The following NTRK2 variants were observed in gnomAD, a reference collection of about 807,000 sequenced individuals.
NTRK2 encodes the protein neurotrophic receptor tyrosine kinase 2.
Under a neutral mutation model 94.5 loss-of-function variants are expected in NTRK2, and 13 were observed. That is an observed-to-expected ratio of 0.14 (90% CI 0.09 to 0.22). The LOEUF (loss-of-function observed/expected upper bound fraction) is 0.22. Among genes scored for constraint, NTRK2 ranks in the 10% least tolerant of loss-of-function variants. The pLI is 1.00. For synonymous variants in NTRK2, 372 were observed against 407.4 expected, an observed-to-expected ratio of 0.91 and a Z score of 1.05; for missense variants, 639 against 1,071.2, an observed-to-expected ratio of 0.60 and a Z score of 5.63.
At chr9:84,774,080 C>T (rs1588505499) in intron 12 of NTRK2, among the ~76,000 whole-genome samples, 1 of 152,282 alleles carries the variant, frequency 6.6e-6, no homozygotes, top group East Asian at 1.9e-4. Context: ...GTTTATTCTC[C>T]TGTGACCCTC....
At chr9:84,933,047 C>T (rs879409628) in intron 14 of NTRK2, among the ~76,000 whole-genome samples, 11 of 152,140 alleles carry the variant, frequency 7.2e-5, no homozygotes, top group African/African-American at 2.4e-4. Context: ...TGTTTTCCTA[C>T]TTGTAAAATG....
At chr9:84,944,209 T>TCACACACACACA (rs1482521508) in intron 15 of NTRK2, among the ~76,000 whole-genome samples, 33 of 140,288 alleles carry the variant, frequency 2.4e-4, no homozygotes, top group African/African-American at 9.1e-4. Context: ...TCTCTCTCTC[T>TCACACACACACA]CTCTCTCACA....
Position 85,021,469 on chromosome 9 carries a change from G to T in NTRK2, c.*32G>T, listed in dbSNP as rs372921138. The T allele has an allele frequency of 2.1e-5, 33 of 1,607,050 alleles. No homozygotes were observed. The highest frequency in any genetic ancestry group is 4.0e-5 in the African/African-American group (3 of 74,692). ...TTTCCCCAGACCGATCCTTCCCAAC[G>T]TACTCCTCAGACGGGCTGAGAGGAT... On this transcript the variant is annotated 3_prime_UTR_variant, in exon 19 of 19. Coordinates refer to ENST00000277120, the MANE Select transcript of NTRK2 (RefSeq NM_006180.6).
chr9:84,686,178 A>G (rs1289273935), intron 2 of NTRK2, among the ~76,000 whole-genome samples: 1 of 152,244 alleles, frequency 6.6e-6, no homozygotes, highest in African/African-American at 2.4e-5. Context: ...CCTTTATGGA[A>G]TTAAAGTGCA....
In NTRK2 at chr9:84,926,642, G is replaced by GTT. The variant is rs2077831259; in HGVS notation, c.1634-7519_1634-7518dup. Among the ~76,000 whole-genome samples the GTT allele has an allele frequency of 3.3e-5, 5 of 152,030 alleles. No homozygotes were observed. In the South Asian group the frequency reaches 1.0e-3, roughly 32 times the overall value. On this transcript the variant is annotated intron_variant, in intron 14 of 18. Transcript: ENST00000277120. ...TGGACTTTTCTTTCACCTCATCCTG[G>GTT]TTCTTTCTCTTCTCCCCTCTTAAGT...
At chr9:84,993,156 A>G (rs1829306995) in intron 17 of NTRK2, among the ~76,000 whole-genome samples, 1 of 152,044 alleles carries the variant, frequency 6.6e-6, no homozygotes, top group African/African-American at 2.4e-5. Flanking sequence ...AGGCTCAATC[A>G]CTAACTGTTG....
chr9:84,784,202 C>G (rs1049699203), intron 12 of NTRK2, among the ~76,000 whole-genome samples: 3 of 152,088 alleles, frequency 2.0e-5, no homozygotes, highest in African/African-American at 7.2e-5. Context: ...TCTCACCTGT[C>G]TTTAAATTTT....
At position 84,924,229 on chromosome 9, in the gene NTRK2, T is replaced by TAGAAAGAAAGAAAGAA. The variant is rs774882842; in HGVS notation, c.1634-9881_1634-9866dup. 1.3e-3 allele frequency among the ~76,000 whole-genome samples: 147 copies of TAGAAAGAAAGAAAGAA among 115,680 alleles called. 1 individual carries two copies. Among genetic ancestry groups the TAGAAAGAAAGAAAGAA allele is most frequent in the East Asian group, 1.5e-3 (6 of 3,924 alleles). 75.9% of individuals were successfully genotyped at this position (115,680 alleles called of 152,430 possible). A position where few individuals can be genotyped will look rare whatever the true frequency, so the allele number is the denominator to read the frequency against. ...GAGACCCTGTCTCAAAGAAAGAAAGTAGAAAGAAAGAAAGAAAGAAAGAAA... is the reference window on the plus strand; with the variant it reads ...GAGACCCTGTCTCAAAGAAAGAAAGTAGAAAGAAAGAAAGAAAGAAAGAAAGAAAGAAAGAAAGAAA... On this transcript the variant is annotated intron_variant, in intron 14 of 18. Transcript: ENST00000277120.
chr9:84,876,293 C>T (rs2076064644), intron 14 of NTRK2: 1 of 1,045,940 alleles, frequency 9.6e-7, no homozygotes, highest in Non-Finnish European at 1.2e-6. Context: ...AATGCCTTTA[C>T]TAGAGATTAC....
At chr9:84,809,822 C>T (rs1212038434) in intron 12 of NTRK2, among the ~76,000 whole-genome samples, 2 of 140,020 alleles carry the variant, frequency 1.4e-5, no homozygotes, top group Non-Finnish European at 3.0e-5. Context: ...GCAGAGGTTG[C>T]AGTGAGCCGA....
intron 12 of NTRK2, among the ~76,000 whole-genome samples, chr9:84,778,286 C>G (rs2067248354): frequency 6.6e-6 from 1 of 152,046 alleles, no homozygotes; most frequent in South Asian, 2.1e-4. Flanking sequence ...AAAAACAAAG[C>G]CTTCCTTAAA....
chr9:84,939,925 A>G (rs982059402), intron 15 of NTRK2, among the ~76,000 whole-genome samples: 1 of 152,178 alleles, frequency 6.6e-6, no homozygotes, highest in African/African-American at 2.4e-5. Flanking sequence ...ACTTGACAGC[A>G]ATGACTCAGG....
chr9:84,953,829 C>T (rs553492581), intron 16 of NTRK2, among the ~76,000 whole-genome samples: 1 of 152,310 alleles, frequency 6.6e-6, no homozygotes, highest in African/African-American at 2.4e-5. Flanking sequence ...TGGCATTGGA[C>T]GCTGGTAGGC....
intron 17 of NTRK2, among the ~76,000 whole-genome samples, chr9:85,016,575 T>C (rs558984191): frequency 2.8e-4 from 42 of 152,344 alleles, no homozygotes; most frequent in Middle Eastern, 3.4e-3. Context: ...ATTGTGTTTG[T>C]TGCTGCACAG....
chr9:84,867,139 A>G, intron 13 of NTRK2, 104 bp from the exon 14 acceptor site: 1 of 1,100,612 alleles, frequency 9.1e-7, no homozygotes, highest in Admixed American at 1.9e-5. Context: ...ATATACTAAA[A>G]CCCACTGAAT....
chr9:84,922,895 C>G (rs1298331358), intron 14 of NTRK2, among the ~76,000 whole-genome samples: 1 of 152,142 alleles, frequency 6.6e-6, no homozygotes, highest in African/African-American at 2.4e-5. Context: ...TTCAGGAAAA[C>G]AGATATTAAC....
chr9:84,950,792 A>C (rs2132919487), intron 16 of NTRK2, among the ~76,000 whole-genome samples: 1 of 152,302 alleles, frequency 6.6e-6, no homozygotes, highest in South Asian at 2.1e-4. Context: ...ACTGAGAGGT[A>C]ATCAAGAAAT....
chr9:84,886,821 A>G (rs1308823307), intron 14 of NTRK2, among the ~76,000 whole-genome samples: 2 of 152,178 alleles, frequency 1.3e-5, no homozygotes, highest in African/African-American at 4.8e-5. Flanking sequence ...TTCACTGGGT[A>G]ATGTAAAAGG....
At chr9:84,829,962 A>C (rs1564362002) in intron 12 of NTRK2, among the ~76,000 whole-genome samples, 1 of 152,216 alleles carries the variant, frequency 6.6e-6, no homozygotes. Flanking sequence ...ATAAACCATC[A>C]AAAACATCTG....
Sources: allele counts gnomAD v4.1 joint callset (sites outside exome capture counted in the v4.1 genomes callset), GRCh38; gene constraint gnomAD v4.1.1; transcripts MANE v1.5; gene names NCBI Gene and HGNC (gene_info 2026-07-23, HGNC 2026-07-21).